The following GNA14 variants were observed in gnomAD, a reference collection of about 807,000 sequenced individuals.
GNA14 encodes guanine nucleotide-binding protein subunit alpha-14.
A neutral mutation model predicts 42.0 loss-of-function variants in GNA14; 50 were observed. That is an observed-to-expected ratio of 1.19 (90% CI 0.95 to 1.51). The LOEUF (loss-of-function observed/expected upper bound fraction) is 1.51, where lower values mean the gene tolerates loss of function less well. Ranked by LOEUF, GNA14 falls within the 40% of genes most tolerant of loss-of-function variation. GNA14 has a pLI of 0.00. For missense variants in GNA14, 473 were observed against 446.2 expected, an observed-to-expected ratio of 1.06 and a Z score of -0.54; for synonymous variants, 173 against 163.1, an observed-to-expected ratio of 1.06 and a Z score of -0.46.
intron 2 of GNA14, among the ~76,000 whole-genome samples, chr9:77,524,239 A>G (rs897084277): frequency 2.0e-5 from 3 of 152,180 alleles, no homozygotes; most frequent in African/African-American, 7.2e-5. Context: ...ATCTTAATTG[A>G]AAAAACATGT....
intron 1 of GNA14, among the ~76,000 whole-genome samples, chr9:77,641,099 GGGAAGGAAGGAAGGAAGGAA>G (rs1157490493): frequency 0.058 from 362 of 6,274 alleles, 19 homozygotes; most frequent in East Asian, 0.096. Flanking sequence ...GGGGAGGGGG[GGGAAGGAAGGAAGGAAGGAA>G]GGAAGGAAGG....
At chr9:77,549,417 C>T (rs1425553044) in intron 1 of GNA14, among the ~76,000 whole-genome samples, 1 of 152,126 alleles carries the variant, frequency 6.6e-6, no homozygotes, top group Non-Finnish European at 1.5e-5. Flanking sequence ...GCCCTGAAAC[C>T]AGCCCTCCTT....
chr9:77,434,251 C>T, intron 3 of GNA14, 117 bp downstream of exon 3: 3 of 922,254 alleles, frequency 3.3e-6, no homozygotes, highest in South Asian at 1.6e-5. Flanking sequence ...AAAGCAAAGG[C>T]AAGTAGCGCT....
chr9:77,505,241 A>G (rs1317105228), intron 2 of GNA14, among the ~76,000 whole-genome samples: 1 of 152,242 alleles, frequency 6.6e-6, no homozygotes, highest in Non-Finnish European at 1.5e-5. Flanking sequence ...GCATAGGCTG[A>G]ATAAGAAACT....
chr9:77,633,338 T>C (rs770722890), intron 1 of GNA14, among the ~76,000 whole-genome samples: 2 of 151,974 alleles, frequency 1.3e-5, no homozygotes, highest in Non-Finnish European at 2.9e-5. Context: ...GGCAGACAGA[T>C]TGGCATGTGC....
chr9:77,574,427 G>A (rs1415334191), intron 1 of GNA14, among the ~76,000 whole-genome samples: 3 of 152,206 alleles, frequency 2.0e-5, no homozygotes, highest in African/African-American at 7.2e-5. Flanking sequence ...GTCTGGAGGG[G>A]TGATTAAATA....
intron 1 of GNA14, among the ~76,000 whole-genome samples, chr9:77,610,122 AC>A (rs1373149833): frequency 5.9e-5 from 9 of 152,072 alleles, no homozygotes; most frequent in Admixed American, 5.9e-4. Context: ...GTTTAGTTCC[AC>A]CCCTCACCTT....
chr9:77,492,182 C>A (rs767330224), intron 2 of GNA14, among the ~76,000 whole-genome samples: 10 of 151,952 alleles, frequency 6.6e-5, no homozygotes, highest in Admixed American at 6.6e-4. Flanking sequence ...ACATCTATAG[C>A]AATAAATGAC....
intron 1 of GNA14, among the ~76,000 whole-genome samples, chr9:77,555,457 C>T (rs1209044374): frequency 6.6e-6 from 1 of 152,114 alleles, no homozygotes; most frequent in Admixed American, 6.6e-5. Flanking sequence ...TGAACCGAGA[C>T]TGCACCACTG....
chr9:77,488,784 T>TCAAA (rs1836703428), intron 2 of GNA14, among the ~76,000 whole-genome samples: 1 of 53,684 alleles, frequency 1.9e-5, no homozygotes, highest in Non-Finnish European at 3.2e-5. Flanking sequence ...CACACCTAAT[T>TCAAA]AAAAAAAAAA....
chr9:77,642,768 C>CA (rs1824288716), intron 1 of GNA14, among the ~76,000 whole-genome samples: 1 of 152,050 alleles, frequency 6.6e-6, no homozygotes, highest in African/African-American at 2.4e-5. Flanking sequence ...GACTCTGTCT[C>CA]AAAAAACAAA....
At position 77,428,982 on chromosome 9, in the gene GNA14, A is replaced by C. The variant is rs1564011034; in HGVS notation, c.648T>G (p.Phe216Leu). 1 of 1,613,886 alleles carries C rather than the reference A, an allele frequency of 6.2e-7. No homozygotes were observed. The highest frequency in any genetic ancestry group is 1.3e-5 in the African/African-American group (1 of 75,052). ...RSERRKWIHC[F>L]ESVTSIIFLV... ...AGAAAATAATGGAGGTGACACTCTCAAAGCAGTGAATCCACTTCCGTCTTT... is the reference window on the plus strand; with the variant it reads ...AGAAAATAATGGAGGTGACACTCTCCAAGCAGTGAATCCACTTCCGTCTTT... Residue 216 changes from phenylalanine (F) to leucine (L), a missense_variant, in exon 5 of 7, where the codon TTT becomes TTG. Coordinates refer to ENST00000341700, the MANE Select transcript of GNA14 (RefSeq NM_004297.4).
chr9:77,565,600 G>A (rs1822955425), intron 1 of GNA14, among the ~76,000 whole-genome samples: 1 of 152,148 alleles, frequency 6.6e-6, no homozygotes, highest in Non-Finnish European at 1.5e-5. Flanking sequence ...TGGGATTACA[G>A]GCATGCGCCG....
At chr9:77,432,952 A>G (rs1297587735) in intron 3 of GNA14, among the ~76,000 whole-genome samples, 1 of 152,032 alleles carries the variant, frequency 6.6e-6, no homozygotes, top group African/African-American at 2.4e-5. Context: ...CCACCTCTCT[A>G]TGCTGATCTA....
chr9:77,501,237 G>A (rs1323437493), intron 2 of GNA14, among the ~76,000 whole-genome samples: 1 of 152,148 alleles, frequency 6.6e-6, no homozygotes, highest in African/African-American at 2.4e-5. Flanking sequence ...TTACAGGTGT[G>A]AGCCACCACG....
In GNA14 at chr9:77,483,420, G is replaced by A. The variant is rs571028048; in HGVS notation, c.309+45649C>T. 1.2e-4 allele frequency among the ~76,000 whole-genome samples: 18 copies of A among 152,246 alleles called. No homozygotes were observed. In the South Asian group the frequency reaches 3.1e-3, roughly 26 times the overall value. On this transcript the variant is annotated intron_variant, in intron 2 of 6. Coordinates refer to ENST00000341700, the MANE Select transcript of GNA14 (RefSeq NM_004297.4). ...GACCTGCAAATGCTGCTGCCTGATC[G>A]TTCCTCTGGAAGTTTTGTGTCAGAG...
chr9:77,481,587 C>G (rs1040093482), intron 2 of GNA14, among the ~76,000 whole-genome samples: 2 of 152,264 alleles, frequency 1.3e-5, no homozygotes, highest in African/African-American at 4.8e-5. Flanking sequence ...GAGGTGAGTT[C>G]AATTCCTGGG....
intron 2 of GNA14, among the ~76,000 whole-genome samples, chr9:77,466,942 T>G (rs1836245419): frequency 1.3e-5 from 2 of 151,920 alleles, no homozygotes; most frequent in Non-Finnish European, 2.9e-5. Flanking sequence ...CACTTTTTGG[T>G]CAAAGGTTGT....
intron 1 of GNA14, among the ~76,000 whole-genome samples, chr9:77,571,088 C>G (rs1445710832): frequency 6.6e-6 from 1 of 150,766 alleles, no homozygotes; most frequent in African/African-American, 2.5e-5. Context: ...TGTATAGCTA[C>G]CACAACTGCA....
Sources: gnomAD v4.1 joint callset for allele counts (sites outside exome capture counted in the v4.1 genomes callset) on GRCh38, gnomAD v4.1.1 for gene constraint, MANE v1.5 for transcripts, NCBI Gene and HGNC (gene_info 2026-07-23, HGNC 2026-07-21) for gene names.